Variants in DLGAP2 observed in about 807,000 individuals in gnomAD.
DLGAP2 encodes DLG associated protein 2.
Under a neutral mutation model 100.3 loss-of-function variants are expected in DLGAP2, and 26 were observed. The ratio of observed to expected loss-of-function variants is 0.26; its 90% CI spans 0.19 to 0.36. The LOEUF (loss-of-function observed/expected upper bound fraction) is 0.36. Among genes scored for constraint, DLGAP2 ranks in the 10% least tolerant of loss-of-function variants. DLGAP2 has a pLI of 1.00. For missense variants in DLGAP2, 1,858 were observed against 1,453.2 expected, an observed-to-expected ratio of 1.28 and a Z score of -4.53; for synonymous variants, 886 against 630.1, an observed-to-expected ratio of 1.41 and a Z score of -6.08.
chr8:1,343,760 C>T (rs1282060245), intron 3 of DLGAP2, among the ~76,000 whole-genome samples: 1 of 151,944 alleles, frequency 6.6e-6, no homozygotes, highest in African/African-American at 2.4e-5. Context: ...GGAGGCCTCT[C>T]CAAGAGGCGG....
chr8:1,426,643 A>G (rs533252265), intron 3 of DLGAP2, among the ~76,000 whole-genome samples: 84 of 152,222 alleles, frequency 5.5e-4, no homozygotes, highest in African/African-American at 2.0e-3. Flanking sequence ...ACTAAGAGAA[A>G]CTCTTATTAA....
chr8:814,537 A>C (rs1796428169), intron 1 of DLGAP2, among the ~76,000 whole-genome samples: 2 of 152,170 alleles, frequency 1.3e-5, no homozygotes, highest in African/African-American at 4.8e-5. Flanking sequence ...CCAATATGCT[A>C]TGTGGAACAC....
chr8:853,513 G>C (rs1182451464), intron 1 of DLGAP2, among the ~76,000 whole-genome samples: 1 of 152,154 alleles, frequency 6.6e-6, no homozygotes, highest in African/African-American at 2.4e-5. Flanking sequence ...GAATGATGGG[G>C]ATCCCCCACG....
intron 2 of DLGAP2, among the ~76,000 whole-genome samples, chr8:1,210,033 C>T (rs952682771): frequency 2.6e-5 from 4 of 151,758 alleles, no homozygotes; most frequent in African/African-American, 9.7e-5. Context: ...CTCAGTCATC[C>T]ACCTCGCCCC....
At chr8:1,653,241 C>T (rs1055962628) in intron 8 of DLGAP2, among the ~76,000 whole-genome samples, 3 of 150,964 alleles carry the variant, frequency 2.0e-5, no homozygotes, top group Non-Finnish European at 2.9e-5. Flanking sequence ...ACGGGCAGCA[C>T]GTTGGTTCTT....
At chr8:1,575,340 A>T (rs1802920216) in intron 6 of DLGAP2, among the ~76,000 whole-genome samples, 1 of 152,038 alleles carries the variant, frequency 6.6e-6, no homozygotes, top group Non-Finnish European at 1.5e-5. Flanking sequence ...ACAGGACCTA[A>T]AACAATGGAA....
At position 1,672,799 on chromosome 8, in the gene DLGAP2, C is replaced by A. The variant is rs952307501; in HGVS notation, c.2202+3015C>A. Among the ~76,000 whole-genome samples the A allele has an allele frequency of 2.0e-5, 3 of 152,228 alleles. No homozygotes were observed. The East Asian group carries it at 5.8e-4, about 29-fold the overall frequency. On this transcript the variant is annotated intron_variant, in intron 10 of 14. Transcript: ENST00000637795. ...TGTAGCTCTGGGAGGCAGAGCACGTCTCAGAGGGAAATAAACAGGAGTTTG... is the reference window on the plus strand; with the variant it reads ...TGTAGCTCTGGGAGGCAGAGCACGTATCAGAGGGAAATAAACAGGAGTTTG...
intron 3 of DLGAP2, among the ~76,000 whole-genome samples, chr8:1,321,890 C>T (rs1800910026): frequency 6.6e-6 from 1 of 152,198 alleles, no homozygotes; most frequent in Admixed American, 6.5e-5. Flanking sequence ...TTCTCAGACC[C>T]ATTCTGCAGC....
chr8:749,022 AG>A (rs1035556422), intron 1 of DLGAP2, among the ~76,000 whole-genome samples: 1 of 152,050 alleles, frequency 6.6e-6, no homozygotes. Flanking sequence ...TGTATGTGAG[AG>A]GGGGCCTTGC....
chr8:884,910 T>C (rs1218173209), intron 1 of DLGAP2, among the ~76,000 whole-genome samples: 1 of 152,208 alleles, frequency 6.6e-6, no homozygotes, highest in Non-Finnish European at 1.5e-5. Context: ...ATTACTTGTT[T>C]TTGTCAGGTT....
At chr8:766,791 A>G (rs780274429) in intron 1 of DLGAP2, among the ~76,000 whole-genome samples, 12 of 152,224 alleles carry the variant, frequency 7.9e-5, no homozygotes, top group Non-Finnish European at 1.6e-4. Flanking sequence ...GATGCAGTCC[A>G]GATGGACACT....
chr8:1,223,867 A>G (rs980493045), intron 2 of DLGAP2, among the ~76,000 whole-genome samples: 3 of 152,224 alleles, frequency 2.0e-5, no homozygotes, highest in African/African-American at 7.2e-5. Flanking sequence ...GAGCATCTAT[A>G]TGTTCTGTTC....
intron 1 of DLGAP2, among the ~76,000 whole-genome samples, chr8:774,876 T>C (rs2132614204): frequency 6.7e-6 from 1 of 148,334 alleles, no homozygotes; most frequent in Admixed American, 6.7e-5. Flanking sequence ...TTTTTTCCAA[T>C]TCTGTGAAGA....
intron 2 of DLGAP2, among the ~76,000 whole-genome samples, chr8:1,121,345 C>T (rs73670647): frequency 0.028 from 4,278 of 150,590 alleles, 181 homozygotes; most frequent in African/African-American, 0.1. Context: ...CACCCATCCT[C>T]GCCCAGTTAG....
chr8:854,502 G>A (rs977524623), intron 1 of DLGAP2, among the ~76,000 whole-genome samples: 5 of 152,028 alleles, frequency 3.3e-5, no homozygotes, highest in Non-Finnish European at 5.9e-5. Context: ...GGGGGAGGTG[G>A]GTGAGAGTGA....
At chr8:1,688,319 GC>G (rs2130871357) in intron 12 of DLGAP2, 1 of 152,354 alleles carries the variant, frequency 6.6e-6, no homozygotes, top group Non-Finnish European at 1.5e-5. Context: ...ACGGCACAAG[GC>G]CCCGGTGTTA....
intron 3 of DLGAP2, among the ~76,000 whole-genome samples, chr8:1,374,110 T>TTTA (rs1802328791): frequency 6.7e-6 from 1 of 148,816 alleles, no homozygotes; most frequent in African/African-American, 2.6e-5. Context: ...CAGAGGACTG[T>TTTA]GTGGTGGAGG....
At chr8:866,717 A>G (rs1309550115) in intron 1 of DLGAP2, among the ~76,000 whole-genome samples, 1 of 152,232 alleles carries the variant, frequency 6.6e-6, no homozygotes, top group East Asian at 1.9e-4. Flanking sequence ...ATACTTTCCC[A>G]GACGCTGTGT....
chr8:1,129,774 A>G (rs753734013), intron 2 of DLGAP2, among the ~76,000 whole-genome samples: 7 of 152,202 alleles, frequency 4.6e-5, no homozygotes, highest in Admixed American at 1.3e-4. Flanking sequence ...GGAAAGAATC[A>G]GTCCTTGTGG....
Sources: gnomAD v4.1 joint callset for allele counts (sites outside exome capture counted in the v4.1 genomes callset) on GRCh38, gnomAD v4.1.1 for gene constraint, MANE v1.5 for transcripts, NCBI Gene and HGNC (gene_info 2026-07-23, HGNC 2026-07-21) for gene names.